The following FAM53A variants were observed in gnomAD, a reference collection of about 807,000 sequenced individuals.
FAM53A encodes family with sequence similarity 53 member A, also known as protein FAM53A.
In FAM53A, 28 loss-of-function variants were observed where a neutral mutation model predicts 26.6. The ratio of observed to expected loss-of-function variants is 1.05; its 90% CI spans 0.78 to 1.45. FAM53A has a LOEUF of 1.45. Ranked by LOEUF, FAM53A falls within the 40% of genes most tolerant of loss-of-function variation. FAM53A has a pLI of 0.00. For missense variants in FAM53A, 650 were observed against 575.8 expected (o/e 1.13, Z -1.32); for synonymous variants, 290 against 253.1 (o/e 1.15, Z -1.38).
At position 1,649,164 on chromosome 4, in the gene FAM53A, GGGGAAA is replaced by G. The variant is rs1257812301; in HGVS notation, c.882+5808_882+5813del. On this transcript the variant is annotated intron_variant, in intron 4 of 4. Transcript: ENST00000308132. ...AGGGGAAAGGGAAGGGGAAAGGGAA[GGGGAAA>G]GGGAAAGGGAAGGGGAAGGGGAAGG... is the stretch of plus-strand genomic sequence containing the variant. Among the ~76,000 whole-genome samples, 145 of 78,368 alleles carry G rather than the reference GGGGAAA, an allele frequency of 1.9e-3. 1 individual carries two copies. Among genetic ancestry groups the G allele is most frequent in the Non-Finnish European group, 2.6e-3 (97 of 36,846 alleles). 51.4% of individuals were successfully genotyped at this position (78,368 alleles called of 152,430 possible).
At chr4:1,583,999 T>C in the FAM53A span, among the ~76,000 whole-genome samples, 12 of 152,258 alleles carry the variant, frequency 7.9e-5, no homozygotes, top group African/African-American at 2.9e-4. Flanking sequence ...GAATCTCCTG[T>C]TCGTGTCTCT....
upstream of FAM53A, among the ~76,000 whole-genome samples, chr4:1,684,663 C>T (rs1000182580): frequency 6.6e-6 from 1 of 151,908 alleles, no homozygotes; most frequent in African/African-American, 2.4e-5. Context: ...AGGGCCCGGT[C>T]GGCACTAGCC....
chr4:1,666,176 C>T (rs1345262769), intron 2 of FAM53A, among the ~76,000 whole-genome samples: 1 of 136,870 alleles, frequency 7.3e-6, no homozygotes, highest in Non-Finnish European at 1.6e-5. Context: ...TAAAATAAAA[C>T]CTGCACCTGC....
chr4:1,604,542 G>A, the FAM53A span, among the ~76,000 whole-genome samples: 4 of 151,786 alleles, frequency 2.6e-5, no homozygotes, highest in East Asian at 5.8e-4. Flanking sequence ...GCCGCACGGC[G>A]CCCTGGCCTC....
rs866114606 is a variant in FAM53A at position 1,640,343 on chromosome 4, G to T, written c.*950C>A. On this transcript the variant is annotated 3_prime_UTR_variant, in exon 5 of 5. Coordinates refer to ENST00000308132, the MANE Select transcript of FAM53A (RefSeq NM_001174070.3). ...CCCAAGCACCGTGACCCGTCGGGAG[G>T]GGGGGACACACGGGGCCAGTGGGAC... 1.8e-5 allele frequency: 4 copies of T among 225,506 alleles called. No homozygotes were observed. The highest frequency in any genetic ancestry group is 1.0e-4 in the South Asian group (2 of 19,818). 14.0% of individuals were successfully genotyped at this position (225,506 alleles called of 1,614,324 possible). A position where few individuals can be genotyped will look rare whatever the true frequency, so the allele number is the denominator to read the frequency against.
At chr4:1,595,338 G>A in the FAM53A span, among the ~76,000 whole-genome samples, 1 of 152,216 alleles carries the variant, frequency 6.6e-6, no homozygotes, top group Non-Finnish European at 1.5e-5. Context: ...ACAGTGGCCA[G>A]GACAGGCTCC....
At chr4:1,643,497 T>C (rs1029069702) in intron 4 of FAM53A, among the ~76,000 whole-genome samples, 1 of 151,788 alleles carries the variant, frequency 6.6e-6, no homozygotes, top group African/African-American at 2.4e-5. Context: ...AAAGACGAAT[T>C]GACATATTTT....
intron 4 of FAM53A, among the ~76,000 whole-genome samples, chr4:1,643,637 G>A (rs1286726246): frequency 6.7e-6 from 1 of 148,302 alleles, no homozygotes; most frequent in African/African-American, 2.5e-5. Context: ...TGCAATCATA[G>A]CTCACTGCAG....
At chr4:1,662,927 G>A (rs1713945926) in intron 2 of FAM53A, among the ~76,000 whole-genome samples, 1 of 152,190 alleles carries the variant, frequency 6.6e-6, no homozygotes. Flanking sequence ...AGGCACAGTG[G>A]CTCATGCCTG....
chr4:1,634,796 A>G (rs924591326), intron 1 of FAM53A, among the ~76,000 whole-genome samples: 2 of 152,082 alleles, frequency 1.3e-5, no homozygotes, highest in African/African-American at 4.8e-5. Context: ...GTTACTCGGG[A>G]GGCTGAGGCA....
chr4:1,586,892 C>T, the FAM53A span, among the ~76,000 whole-genome samples: 1 of 152,134 alleles, frequency 6.6e-6, no homozygotes, highest in African/African-American at 2.4e-5. Context: ...CACATCCTCA[C>T]CAACACTTGT....
intron 2 of FAM53A, among the ~76,000 whole-genome samples, chr4:1,662,603 T>C (rs1177447533): frequency 6.8e-6 from 1 of 147,802 alleles, no homozygotes; most frequent in Non-Finnish European, 1.5e-5. Context: ...TGAGCAGTGA[T>C]TGAGACCCTG....
downstream of FAM53A, among the ~76,000 whole-genome samples, chr4:1,637,238 C>T (rs1237140262): frequency 6.6e-6 from 1 of 152,070 alleles, no homozygotes. Flanking sequence ...GGATAAGGAA[C>T]AAAAAGTTAG....
intron 3 of FAM53A, among the ~76,000 whole-genome samples, chr4:1,657,133 C>T (rs893589078): frequency 3.3e-5 from 5 of 152,202 alleles, no homozygotes; most frequent in Admixed American, 6.5e-5. Context: ...CCAGAAAGGG[C>T]GCAGCAGACC....
At chr4:1,603,819 G>A in the FAM53A span, among the ~76,000 whole-genome samples, 1 of 152,174 alleles carries the variant, frequency 6.6e-6, no homozygotes, top group Non-Finnish European at 1.5e-5. Flanking sequence ...GGAGCCTGGG[G>A]TGTGGAGCCT....
rs559323061 is a variant in FAM53A, at chr4:1,660,121, A to T, written c.76-2653T>A. Among the ~76,000 whole-genome samples, 4 of 152,088 alleles carry T rather than the reference A, an allele frequency of 2.6e-5. No individual in the cohort carries two copies. The East Asian group carries it at 7.7e-4, about 29-fold the overall frequency. On this transcript the variant is annotated intron_variant, in intron 2 of 4. Coordinates refer to ENST00000308132, the MANE Select transcript of FAM53A (RefSeq NM_001174070.3). ...AACATGGTGAAACCCTGTCTTTACTAAAAATACAAAAATTAGCTGGGTGTG... is the reference window on the plus strand; with the variant it reads ...AACATGGTGAAACCCTGTCTTTACTTAAAATACAAAAATTAGCTGGGTGTG...
At chr4:1,615,058 C>CG (rs1714756527), downstream of FAM53A, among the ~76,000 whole-genome samples, 1 of 152,170 alleles carries the variant, frequency 6.6e-6, no homozygotes, top group Non-Finnish European at 1.5e-5. Context: ...CCACGCCCAC[C>CG]CCACCTGGGC....
intron 4 of FAM53A, among the ~76,000 whole-genome samples, chr4:1,647,799 T>C (rs1712382009): frequency 6.6e-6 from 1 of 152,174 alleles, no homozygotes; most frequent in African/African-American, 2.4e-5. Flanking sequence ...TGGGTATGTG[T>C]GTGTGCCCAC....
chr4:1,668,049 T>C (rs550322574), intron 2 of FAM53A, among the ~76,000 whole-genome samples: 3 of 152,238 alleles, frequency 2.0e-5, no homozygotes, highest in East Asian at 3.9e-4. Context: ...TGCTGCTTGA[T>C]TGGATGGTAA....
Sources: gnomAD v4.1 joint callset for allele counts (sites outside exome capture counted in the v4.1 genomes callset) on GRCh38, gnomAD v4.1.1 for gene constraint, MANE v1.5 for transcripts, NCBI Gene and HGNC (gene_info 2026-07-23, HGNC 2026-07-21) for gene names.